Variants in CTIF observed in about 807,000 individuals in gnomAD.
CTIF encodes cap binding complex dependent translation initiation factor, also known as CBP80/20-dependent translation initiation factor.
In CTIF, 21 loss-of-function variants were observed where a neutral mutation model predicts 66.0. The ratio of observed to expected loss-of-function variants is 0.32; its 90% CI spans 0.23 to 0.46. The LOEUF is 0.46. CTIF is among the 20% of genes least tolerant of loss of function. The pLI is 1.00. For missense variants in CTIF, 739 were observed against 812.7 expected, an observed-to-expected ratio of 0.91 and a Z score of 1.10; for synonymous variants, 345 against 326.4, an observed-to-expected ratio of 1.06 and a Z score of -0.62.
intron 6 of CTIF, among the ~76,000 whole-genome samples, chr18:48,709,943 C>T (rs1213731952): frequency 1.3e-5 from 2 of 152,202 alleles, no homozygotes; most frequent in African/African-American, 4.8e-5. Context: ...AAATGTGTTG[C>T]TCCCTCCCTG....
At chr18:48,625,862 G>T (rs2090583550) in intron 2 of CTIF, among the ~76,000 whole-genome samples, 2 of 152,160 alleles carry the variant, frequency 1.3e-5, no homozygotes, top group South Asian at 4.1e-4. Flanking sequence ...AGTTTCTTTA[G>T]TTAGATGCTG....
intron 9 of CTIF, among the ~76,000 whole-genome samples, chr18:48,814,471 A>T (rs187040582): frequency 0.011 from 1,691 of 152,242 alleles, 19 homozygotes; most frequent in Middle Eastern, 0.02. Flanking sequence ...AAGGGGCTTA[A>T]TTTTTCATTC....
At position 48,846,867 on chromosome 18, in the gene CTIF, A is replaced by G. The variant is rs560456658; in HGVS notation, c.1528-10721A>G. On this transcript the variant is annotated intron_variant, in intron 10 of 11. Coordinates refer to ENST00000256413, the MANE Select transcript of CTIF (RefSeq NM_014772.3). ...AATGGATGGGTGGATGGATGGATGG[A>G]TGGATGAGTAGGCAAGTAGACAGAT... Among the ~76,000 whole-genome samples the G allele has an allele frequency of 2.0e-5, 3 of 152,124 alleles. No homozygotes were observed. The South Asian group carries it at 6.2e-4, about 32-fold the overall frequency.
At chr18:48,729,301 A>G (rs1481765166) in intron 7 of CTIF, among the ~76,000 whole-genome samples, 2 of 152,126 alleles carry the variant, frequency 1.3e-5, no homozygotes, top group Non-Finnish European at 2.9e-5. Context: ...ACACAGACAC[A>G]CACTCACACA....
rs570996318 is a variant in CTIF at position 48,677,681 on chromosome 18, G to A, written c.507+6937G>A. On this transcript the variant is annotated intron_variant, in intron 6 of 11. Transcript: ENST00000256413. ...TATGCCTCCTCATCACTCAAGAATC[G>A]TCACTCGATTCTTCCCTGCAGCGCC... Among the ~76,000 whole-genome samples, 14 of 152,178 alleles carry A rather than the reference G, an allele frequency of 9.2e-5. No individual in the cohort carries two copies. In the East Asian group the frequency reaches 2.1e-3, roughly 23 times the overall value.
At chr18:48,625,569 A>G (rs912699661) in intron 2 of CTIF, among the ~76,000 whole-genome samples, 1 of 152,136 alleles carries the variant, frequency 6.6e-6, no homozygotes, top group Non-Finnish European at 1.5e-5. Context: ...TTCCTGACAT[A>G]GGTATGACTT....
intron 2 of CTIF, chr18:48,621,529 A>T (rs2144436431): frequency 2.7e-6 from 1 of 371,868 alleles, no homozygotes; most frequent in Non-Finnish European, 5.2e-6. Flanking sequence ...ATGTGAGGAG[A>T]AGTGAGCCTA....
intron 1 of CTIF, among the ~76,000 whole-genome samples, chr18:48,578,014 A>G (rs556231508): frequency 2.4e-4 from 36 of 152,308 alleles, no homozygotes; most frequent in African/African-American, 8.4e-4. Flanking sequence ...GCAACCACTT[A>G]TGTGCTTTCT....
chr18:48,829,012 C>T (rs1205113653), intron 10 of CTIF, among the ~76,000 whole-genome samples: 1 of 152,204 alleles, frequency 6.6e-6, no homozygotes, highest in African/African-American at 2.4e-5. Flanking sequence ...CTTCAAGAGG[C>T]CCCTGCTATC....
intron 2 of CTIF, among the ~76,000 whole-genome samples, chr18:48,623,534 T>A (rs2090536063): frequency 6.6e-6 from 1 of 151,096 alleles, no homozygotes; most frequent in African/African-American, 2.4e-5. Context: ...TAAAGCACTT[T>A]GGCTTGTTTT....
intron 7 of CTIF, among the ~76,000 whole-genome samples, chr18:48,735,600 G>T (rs1359326918): frequency 6.6e-6 from 1 of 152,038 alleles, no homozygotes; most frequent in Non-Finnish European, 1.5e-5. Context: ...AGGAGGTGAG[G>T]ACAGGGTGTT....
chr18:48,591,612 C>T (rs16949578), intron 1 of CTIF, among the ~76,000 whole-genome samples: 2,284 of 152,300 alleles, frequency 0.015, 63 homozygotes, highest in African/African-American at 0.052. Flanking sequence ...CATTGTGGTG[C>T]GCATTTCCTC....
rs116591924 is a variant in CTIF, at chr18:48,704,383, A to C, written c.508-7236A>C. 2.8e-3 allele frequency among the ~76,000 whole-genome samples: 427 copies of C among 152,334 alleles called. 4 individuals carry two copies. Among genetic ancestry groups the C allele is most frequent in the African/African-American group, 9.5e-3 (394 of 41,574 alleles). Reference sequence around the variant, plus strand: ...ATATACAAATTCAAATCTCAAATTCAAATTCAAAATTTGGCAAAGGAAATA... The same window carrying C: ...ATATACAAATTCAAATCTCAAATTCCAATTCAAAATTTGGCAAAGGAAATA... On this transcript the variant is annotated intron_variant, in intron 6 of 11. Transcript: ENST00000256413.
At chr18:48,629,364 T>C (rs1425221324) in intron 2 of CTIF, among the ~76,000 whole-genome samples, 1 of 152,258 alleles carries the variant, frequency 6.6e-6, no homozygotes, top group Non-Finnish European at 1.5e-5. Context: ...AATTCTTGCA[T>C]ATCCGATTAA....
At chr18:48,819,879 G>A (rs2068447072) in intron 10 of CTIF, among the ~76,000 whole-genome samples, 1 of 152,232 alleles carries the variant, frequency 6.6e-6, no homozygotes, top group African/African-American at 2.4e-5. Context: ...TTCCTCATCT[G>A]TAAATGGTGC....
intron 9 of CTIF, among the ~76,000 whole-genome samples, chr18:48,769,084 G>A (rs916350368): frequency 3.9e-5 from 6 of 152,126 alleles, no homozygotes; most frequent in African/African-American, 1.4e-4. Flanking sequence ...AAACCACACA[G>A]GCTGCTGGCC....
At chr18:48,825,426 A>G (rs2068564099) in intron 10 of CTIF, among the ~76,000 whole-genome samples, 1 of 152,224 alleles carries the variant, frequency 6.6e-6, no homozygotes, top group African/African-American at 2.4e-5. Flanking sequence ...CTTCTCAGGA[A>G]ATGAAATTGC....
At chr18:48,813,009 G>T (rs181022480) in intron 9 of CTIF, among the ~76,000 whole-genome samples, 23,715 of 147,586 alleles carry the variant, frequency 0.16, 2,025 homozygotes, top group Admixed American at 0.22. Context: ...TTTTCTTTTT[G>T]TTTCTAGTCT....
intron 7 of CTIF, among the ~76,000 whole-genome samples, chr18:48,718,340 AAG>A (rs774040740): frequency 6.6e-6 from 1 of 152,144 alleles, no homozygotes; most frequent in Non-Finnish European, 1.5e-5. Flanking sequence ...TATTGAGAGG[AAG>A]AGAGAGAGAT....
Sources: gnomAD v4.1 joint callset for allele counts (sites outside exome capture counted in the v4.1 genomes callset) on GRCh38, gnomAD v4.1.1 for gene constraint, MANE v1.5 for transcripts, NCBI Gene and HGNC (gene_info 2026-07-23, HGNC 2026-07-21) for gene names.